The following ANO3 variants were observed in gnomAD, a reference collection of about 807,000 sequenced individuals.
ANO3 encodes the protein anoctamin 3, also known as anoctamin-3.
In ANO3, 99 loss-of-function variants were observed where a neutral mutation model predicts 144.8. That is an observed-to-expected ratio of 0.68 (90% CI 0.58 to 0.81). ANO3 has a LOEUF of 0.81. ANO3 is among the 30% of genes least tolerant of loss of function. The pLI, the probability that ANO3 is intolerant of heterozygous loss-of-function variation, is 0.00. For synonymous variants in ANO3, 414 were observed against 392.6 expected, an observed-to-expected ratio of 1.05 and a Z score of -0.64; for missense variants, 905 against 1,202.2, an observed-to-expected ratio of 0.75 and a Z score of 3.66.
At chr11:26,392,124 T>A (rs1280880856) in intron 1 of ANO3, among the ~76,000 whole-genome samples, 2 of 152,104 alleles carry the variant, frequency 1.3e-5, no homozygotes, top group Non-Finnish European at 2.9e-5. Context: ...TTTTTATTCC[T>A]AATCTTTATC....
At chr11:26,368,342 TATA>T (rs1391616328) in intron 1 of ANO3, among the ~76,000 whole-genome samples, 2 of 152,186 alleles carry the variant, frequency 1.3e-5, no homozygotes, top group Non-Finnish European at 2.9e-5. Flanking sequence ...GTATAGTAAT[TATA>T]AGCCAAATCT....
chr11:26,272,294 A>G (rs546405701), intron 1 of ANO3, among the ~76,000 whole-genome samples: 3 of 152,192 alleles, frequency 2.0e-5, no homozygotes, highest in Admixed American at 6.5e-5. Context: ...GATACGTACC[A>G]TAGATTGATG....
intron 5 of ANO3, among the ~76,000 whole-genome samples, chr11:26,511,925 G>T (rs1861680049): frequency 1.3e-5 from 2 of 152,118 alleles, no homozygotes; most frequent in Admixed American, 6.5e-5. Flanking sequence ...ACTAAATGAG[G>T]TTGGAAAGAA....
At chr11:26,657,936 T>C (rs1279055440) in intron 26 of ANO3, among the ~76,000 whole-genome samples, 2 of 108,144 alleles carry the variant, frequency 1.8e-5, no homozygotes, top group Non-Finnish European at 4.8e-5. Context: ...TCTGTAGATG[T>C]TTTTTATTTG....
chr11:26,324,680 TG>T (rs2133882056), intron 1 of ANO3, among the ~76,000 whole-genome samples: 1 of 152,296 alleles, frequency 6.6e-6, no homozygotes, highest in African/African-American at 2.4e-5. Flanking sequence ...TTGGCTCACG[TG>T]GGGGCTGGTA....
At chr11:26,448,951 T>C (rs1292251979) in intron 3 of ANO3, among the ~76,000 whole-genome samples, 1 of 152,180 alleles carries the variant, frequency 6.6e-6, no homozygotes, top group African/African-American at 2.4e-5. Context: ...ATAGATGATT[T>C]TCCACACAGG....
At chr11:26,319,278 C>T (rs535261993) in intron 1 of ANO3, among the ~76,000 whole-genome samples, 1 of 152,234 alleles carries the variant, frequency 6.6e-6, no homozygotes, top group South Asian at 2.1e-4. Flanking sequence ...GGATTACAGG[C>T]ATGAGCCACT....
At chr11:26,387,934 G>A (rs1019412122) in intron 1 of ANO3, among the ~76,000 whole-genome samples, 1 of 152,062 alleles carries the variant, frequency 6.6e-6, no homozygotes, top group African/African-American at 2.4e-5. Flanking sequence ...CAAAGGTCAA[G>A]TATCCTGGTA....
At chr11:26,539,659 G>T (rs416114) in intron 10 of ANO3, among the ~76,000 whole-genome samples, 100,040 of 151,924 alleles carry the variant, frequency 0.66, 33,233 homozygotes, top group East Asian at 0.83. Context: ...ATGACTCAAG[G>T]TGTCTTCTTT....
chr11:26,358,170 C>CTTTTTTTT lies in ANO3; in HGVS notation c.46+25862_46+25869dup, dbSNP rs34078380. Reference sequence around the variant, plus strand: ...CATGAAGCTTAGAATACAATTTCAACTTTTTTTTTTTTTTTTTTTTGAGAT... The same window carrying CTTTTTTTT: ...CATGAAGCTTAGAATACAATTTCAACTTTTTTTTTTTTTTTTTTTTTTTTTTTTGAGAT... On this transcript the variant is annotated intron_variant, in intron 1 of 26. Coordinates refer to ENST00000256737, the MANE Select transcript of ANO3 (RefSeq NM_031418.4). Among the ~76,000 whole-genome samples the CTTTTTTTT allele has an allele frequency of 1.7e-5, 2 of 119,690 alleles. 1 individual carries two copies. The highest frequency in any genetic ancestry group is 3.3e-5 in the Non-Finnish European group (2 of 60,204). 78.5% of individuals were successfully genotyped at this position (119,690 alleles called of 152,430 possible). A position where few individuals can be genotyped will look rare whatever the true frequency, so the allele number is the denominator to read the frequency against.
intron 4 of ANO3, among the ~76,000 whole-genome samples, chr11:26,476,124 T>C (rs1354788206): frequency 6.6e-6 from 1 of 152,140 alleles, no homozygotes; most frequent in African/African-American, 2.4e-5. Flanking sequence ...GTGCACACTA[T>C]TTTGAGAATT....
chr11:26,542,492 T>C (rs909441230), intron 11 of ANO3, among the ~76,000 whole-genome samples: 1 of 151,960 alleles, frequency 6.6e-6, no homozygotes. Flanking sequence ...AGTGGTCTAG[T>C]ACCTCCTGGC....
At chr11:26,223,356 G>A (rs1457615293) in intron 1 of ANO3, among the ~76,000 whole-genome samples, 2 of 152,054 alleles carry the variant, frequency 1.3e-5, no homozygotes, top group African/African-American at 4.8e-5. Context: ...ATTTTGATCT[G>A]AGACCTCATA....
intron 17 of ANO3, among the ~76,000 whole-genome samples, chr11:26,605,904 T>A (rs145259264): frequency 0.031 from 4,665 of 152,282 alleles, 104 homozygotes; most frequent in Non-Finnish European, 0.049. Context: ...ATTCATTCAT[T>A]TTTTTGAAGG....
At chr11:26,482,557 G>A (rs902185423) in intron 4 of ANO3, among the ~76,000 whole-genome samples, 5 of 151,514 alleles carry the variant, frequency 3.3e-5, no homozygotes, top group Admixed American at 3.3e-4. Context: ...ATATATAATA[G>A]AGTTTCATTT....
chr11:26,270,739 G>C (rs1313084601), intron 1 of ANO3, among the ~76,000 whole-genome samples: 1 of 152,176 alleles, frequency 6.6e-6, no homozygotes, highest in Non-Finnish European at 1.5e-5. Context: ...CTCTCCAAAA[G>C]TTTATAATCT....
At chr11:26,240,800 A>T (rs1322082522) in intron 1 of ANO3, among the ~76,000 whole-genome samples, 1 of 152,196 alleles carries the variant, frequency 6.6e-6, no homozygotes, top group Non-Finnish European at 1.5e-5. Context: ...ATGGAAACGT[A>T]TATCTTATTA....
chr11:26,293,492 A>G (rs1213626622), intron 1 of ANO3, among the ~76,000 whole-genome samples: 1 of 143,276 alleles, frequency 7.0e-6, no homozygotes, highest in Non-Finnish European at 1.5e-5. Flanking sequence ...TTGATGCTCA[A>G]AAGAATCAAT....
chr11:26,548,402 A>C (rs2663170), intron 12 of ANO3, among the ~76,000 whole-genome samples: 107,989 of 151,690 alleles, frequency 0.71, 38,754 homozygotes, highest in East Asian at 0.84. Flanking sequence ...TGGTAAAATT[A>C]AAAATATGAA....
Sources: gnomAD v4.1 joint callset for allele counts (sites outside exome capture counted in the v4.1 genomes callset) on GRCh38, gnomAD v4.1.1 for gene constraint, MANE v1.5 for transcripts, NCBI Gene and HGNC (gene_info 2026-07-23, HGNC 2026-07-21) for gene names.